Variants in PPIL2 observed in about 807,000 individuals in gnomAD.
The protein encoded by PPIL2 is peptidylprolyl isomerase like 2.
Under a neutral mutation model 75.2 loss-of-function variants are expected in PPIL2, and 50 were observed. The observed-to-expected ratio is 0.66, with a 90% CI of 0.53 to 0.84. The LOEUF is 0.84. PPIL2 is among the 40% of genes least tolerant of loss of function. PPIL2 has a pLI of 0.00. For missense variants in PPIL2, 590 were observed against 685.0 expected (o/e 0.86, Z 1.55); for synonymous variants, 245 against 258.8 (o/e 0.95, Z 0.51).
intron 6 of PPIL2, among the ~76,000 whole-genome samples, chr22:21,680,507 G>T (rs1367123435): frequency 6.6e-6 from 1 of 151,988 alleles, no homozygotes; most frequent in East Asian, 1.9e-4. Flanking sequence ...CCTCAGCCTG[G>T]GTGACAGAGC....
In PPIL2 at chr22:21,697,754, G is replaced by A. The variant is rs74427469; in HGVS notation, c.*2264G>A. On this transcript the variant is annotated 3_prime_UTR_variant, in exon 20 of 20. Transcript: ENST00000398831. ...CAGGGCCATCTGCTCCCAGGGCAGG[G>A]GACAGGCCACCAAGGACCTTTGGCA... The A allele has an allele frequency of 8.5e-4, 130 of 152,450 alleles. No homozygotes were observed. Among genetic ancestry groups the A allele is most frequent in the African/African-American group, 3.1e-3 (127 of 41,576 alleles). 9.4% of individuals were successfully genotyped at this position (152,450 alleles called of 1,614,324 possible). A position where few individuals can be genotyped will look rare whatever the true frequency, so the allele number is the denominator to read the frequency against.
chr22:21,683,132 T>C (rs1338442132), intron 8 of PPIL2, 50 bp from the exon 9 acceptor site: 2 of 1,499,566 alleles, frequency 1.3e-6, no homozygotes, highest in Admixed American at 3.3e-5. Flanking sequence ...GTGGCTGCCA[T>C]TTGGCCGTAG....
chr22:21,688,838 C>T lies in PPIL2; in HGVS notation c.1128C>T (p.Asn376=). 3 of 1,614,196 alleles carry T rather than the reference C, an allele frequency of 1.9e-6. No homozygotes were observed. Among genetic ancestry groups the T allele is most frequent in the Admixed American group, 1.7e-5 (1 of 60,032 alleles). Residue 376 remains asparagine, a synonymous_variant, in exon 15 of 20, where the codon AAC becomes AAT. Transcript: ENST00000398831. ...TGGCCAACTCCGGGCCCAACAGCAA[C>T]AGGTCTCAATTGTGAGTCAGCTGGG... ...LSMANSGPNS[N]RSQFFITFRS...
intron 10 of PPIL2, among the ~76,000 whole-genome samples, chr22:21,685,956 G>A (rs1336657303): frequency 6.6e-6 from 1 of 151,818 alleles, no homozygotes; most frequent in African/African-American, 2.4e-5. Context: ...GATTGCTTGA[G>A]GCCAGGAGAT....
intron 4 of PPIL2, 43 bp from the exon 5 acceptor site, chr22:21,672,287 C>T (rs2066664209): frequency 1.3e-6 from 2 of 1,559,208 alleles, no homozygotes; most frequent in South Asian, 2.2e-5. Flanking sequence ...CCAGGTGGCG[C>T]CTAAGCACCC....
chr22:21,674,837 G>A (rs986918097), intron 5 of PPIL2, among the ~76,000 whole-genome samples: 4 of 152,238 alleles, frequency 2.6e-5, no homozygotes, highest in Admixed American at 1.3e-4. Context: ...GGGGTCACCC[G>A]TGACGGCTCT....
chr22:21,675,847 C>G (rs1042851957), intron 6 of PPIL2, among the ~76,000 whole-genome samples: 1 of 152,238 alleles, frequency 6.6e-6, no homozygotes, highest in East Asian at 1.9e-4. Context: ...TTTGCCACAG[C>G]TCATAGAGCC....
chr22:21,681,492 C>T, intron 7 of PPIL2, 102 bp downstream of exon 7: 2 of 1,057,298 alleles, frequency 1.9e-6, no homozygotes, highest in South Asian at 2.8e-5. Context: ...ACGGCCTGTC[C>T]TCGTGGGGTT....
intron 14 of PPIL2, 79 bp downstream of exon 14, chr22:21,688,185 T>TG: frequency 1.3e-6 from 2 of 1,562,200 alleles, no homozygotes; most frequent in Non-Finnish European, 1.8e-6. Flanking sequence ...GCAGGGGTTG[T>TG]GCACAGCTCA....
At chr22:21,679,862 CAGATCACG>C (rs1209848439) in intron 6 of PPIL2, among the ~76,000 whole-genome samples, 2 of 151,196 alleles carry the variant, frequency 1.3e-5, no homozygotes, top group African/African-American at 4.9e-5. Flanking sequence ...CCAAGGTGGG[CAGATCACG>C]AGATCAGGAG....
chr22:21,697,558 C>CT lies in PPIL2; in HGVS notation c.*2071dup, dbSNP rs1555901984. 2 of 155,936 alleles carry CT rather than the reference C, an allele frequency of 1.3e-5. No individual in the cohort carries two copies. The highest frequency in any genetic ancestry group is 4.8e-5 in the African/African-American group (2 of 41,458). 9.7% of individuals were successfully genotyped at this position (155,936 alleles called of 1,614,324 possible). ...CGATTTAAACATTTGACATCAGAAG[C>CT]TTTATTTGTAAACCTCACACAGATA... On this transcript the variant is annotated 3_prime_UTR_variant, in exon 20 of 20. Transcript: ENST00000398831.
At position 21,671,041 on chromosome 22, in the gene PPIL2, G is replaced by C. The variant is rs1250252052; in HGVS notation, c.173G>C (p.Gly58Ala). The C allele has an allele frequency of 1.2e-6, 2 of 1,612,398 alleles. No individual in the cohort carries two copies. Among genetic ancestry groups the C allele is most frequent in the Non-Finnish European group, 1.7e-6 (2 of 1,178,386 alleles). Reference sequence around the variant, plus strand: ...GTCTACCCAGTCTGCACTCCCGATGGCATCGTCTTTGACTTACTGTGAGTT... The same window carrying C: ...GTCTACCCAGTCTGCACTCCCGATGCCATCGTCTTTGACTTACTGTGAGTT... ...PFVYPVCTPDGIVFDLLNIVP... is the reference protein window; with the variant it reads ...PFVYPVCTPDAIVFDLLNIVP... The change falls in exon 4 of 20, where the codon GGC becomes GCC. Residue 58 changes from glycine (G) to alanine (A), a missense_variant. Physicochemically the swap from Gly to Ala is moderately conservative, Grantham distance 60 (BLOSUM62 0). Transcript: ENST00000398831.
chr22:21,670,847 G>A, intron 3 of PPIL2, 150 bp from the exon 4 acceptor site: 1 of 899,436 alleles, frequency 1.1e-6, no homozygotes, highest in Non-Finnish European at 1.8e-6. Flanking sequence ...TGTAGTTGGA[G>A]GAGAAGGTTG....
chr22:21,675,690 C>T (rs2066812566), intron 6 of PPIL2, among the ~76,000 whole-genome samples: 1 of 152,224 alleles, frequency 6.6e-6, no homozygotes, highest in African/African-American at 2.4e-5. Context: ...GTTGGATCTG[C>T]AGGGCATGGG....
intron 14 of PPIL2, 81 bp from the exon 15 acceptor site, chr22:21,688,651 G>A: frequency 7.3e-7 from 1 of 1,367,658 alleles, no homozygotes; most frequent in South Asian, 1.2e-5. Flanking sequence ...AGGCCCTGAT[G>A]CCCCTCGGGA....
chr22:21,695,587 C>G lies in PPIL2; in HGVS notation c.*97C>G, dbSNP rs117406050. 4.8e-3 allele frequency: 7,279 copies of G among 1,528,590 alleles called. 25 individuals carry two copies. The highest frequency in any genetic ancestry group is 5.9e-3 in the Non-Finnish European group (6,701 of 1,135,940). The allele number at this position is 1,528,590 out of a possible 1,614,324, so 94.7% of individuals were successfully genotyped here. A position where few individuals can be genotyped will look rare whatever the true frequency, so the allele number is the denominator to read the frequency against. On this transcript the variant is annotated 3_prime_UTR_variant, in exon 20 of 20. Transcript: ENST00000398831. ...GCCTTTCTAGCCTGCCCTCTGCTGC[C>G]AGCCAATAAATTGCTTGCCTGCTGC...
At chr22:21,691,623 T>A (rs960505675) in intron 15 of PPIL2, among the ~76,000 whole-genome samples, 1 of 151,372 alleles carries the variant, frequency 6.6e-6, no homozygotes, top group Non-Finnish European at 1.5e-5. Flanking sequence ...GAGCTTGCAT[T>A]GAGCCGAGAT....
intron 15 of PPIL2, 86 bp downstream of exon 15, chr22:21,688,935 G>A: frequency 7.8e-7 from 1 of 1,276,294 alleles, no homozygotes; most frequent in Non-Finnish European, 1.1e-6. Context: ...TCTGAAGGGT[G>A]TGCTGGTTCT....
intron 4 of PPIL2, among the ~76,000 whole-genome samples, chr22:21,671,815 C>T (rs929765988): frequency 6.6e-6 from 1 of 152,100 alleles, no homozygotes; most frequent in African/African-American, 2.4e-5. Context: ...CTTTGGGAGG[C>T]TGAGGCAGGA....
Sources: gnomAD v4.1 joint callset for allele counts (sites outside exome capture counted in the v4.1 genomes callset) on GRCh38, gnomAD v4.1.1 for gene constraint, MANE v1.5 for transcripts, NCBI Gene and HGNC (gene_info 2026-07-23, HGNC 2026-07-21) for gene names.